Variants in DNAJC1 observed in about 807,000 individuals in gnomAD.
DNAJC1 encodes dnaJ homolog subfamily C member 1.
Under a neutral mutation model 76.6 loss-of-function variants are expected in DNAJC1, and 58 were observed. The ratio of observed to expected loss-of-function variants is 0.76; its 90% CI spans 0.61 to 0.94. The LOEUF is 0.94. DNAJC1 is among the 40% of genes least tolerant of loss of function. DNAJC1 has a pLI of 0.00. For synonymous variants in DNAJC1, 258 were observed against 267.9 expected (o/e 0.96, Z 0.36); for missense variants, 689 against 677.3 (o/e 1.02, Z -0.19).
intron 8 of DNAJC1, among the ~76,000 whole-genome samples, chr10:21,842,283 C>G (rs1590009941): frequency 6.7e-6 from 1 of 150,154 alleles, no homozygotes; most frequent in African/African-American, 2.4e-5. Flanking sequence ...GTGAGAGAAG[C>G]AAATAGGATG....
At chr10:22,002,976 T>C (rs933681272) in intron 1 of DNAJC1, among the ~76,000 whole-genome samples, 3 of 152,032 alleles carry the variant, frequency 2.0e-5, no homozygotes, top group African/African-American at 7.2e-5. Flanking sequence ...CCTAGGCTAG[T>C]GGCGCCGTCC....
At chr10:21,800,999 T>A (rs1834807069) in intron 9 of DNAJC1, among the ~76,000 whole-genome samples, 1 of 152,198 alleles carries the variant, frequency 6.6e-6, no homozygotes, top group Non-Finnish European at 1.5e-5. Context: ...AAATATGTGA[T>A]CTTGTCCCAG....
rs182225058 is a variant in DNAJC1 at position 21,831,771 on chromosome 10, C to T, written c.979-25672G>A. ...CACCACTGCACTCCAGCCTGGGCGACAGAGCGAGACTCCATCTCAAAAAAA... is the reference window on the plus strand; with the variant it reads ...CACCACTGCACTCCAGCCTGGGCGATAGAGCGAGACTCCATCTCAAAAAAA... On this transcript the variant is annotated intron_variant, in intron 8 of 11. Transcript: ENST00000376980. 1.3e-3 allele frequency among the ~76,000 whole-genome samples: 170 copies of T among 125,938 alleles called. 2 individuals carry two copies. The highest frequency in any genetic ancestry group is 2.6e-3 in the Admixed American group (25 of 9,734). The allele number at this position is 125,938 out of a possible 152,430, so 82.6% of individuals were successfully genotyped here. A position where few individuals can be genotyped will look rare whatever the true frequency, so the allele number is the denominator to read the frequency against.
At chr10:21,834,548 G>A (rs1017191558) in intron 8 of DNAJC1, among the ~76,000 whole-genome samples, 4 of 152,172 alleles carry the variant, frequency 2.6e-5, no homozygotes, top group African/African-American at 9.7e-5. Flanking sequence ...AAGCCCAAGG[G>A]GTCAGGGAAT....
intron 3 of DNAJC1, among the ~76,000 whole-genome samples, chr10:21,924,766 T>C (rs1338263618): frequency 6.6e-6 from 1 of 152,200 alleles, no homozygotes; most frequent in Non-Finnish European, 1.5e-5. Flanking sequence ...CCTCACTGTG[T>C]GAACATCATG....
chr10:21,956,819 AAC>A (rs3051926), intron 1 of DNAJC1, among the ~76,000 whole-genome samples: 85,565 of 141,834 alleles, frequency 0.6, 25,669 homozygotes, highest in East Asian at 0.78. Context: ...GTTTATACAT[AAC>A]ACACACACAC....
intron 7 of DNAJC1, among the ~76,000 whole-genome samples, chr10:21,882,898 A>T (rs2131722623): frequency 6.6e-6 from 1 of 152,260 alleles, no homozygotes; most frequent in East Asian, 1.9e-4. Flanking sequence ...GTGAAATATG[A>T]TCTGGCAACA....
chr10:21,925,782 C>G (rs758128620), intron 3 of DNAJC1, among the ~76,000 whole-genome samples: 3 of 152,162 alleles, frequency 2.0e-5, no homozygotes, highest in Non-Finnish European at 4.4e-5. Context: ...AGCTGGAGAT[C>G]AGGGTGAGGA....
chr10:21,778,866 C>T (rs188312699), intron 9 of DNAJC1, among the ~76,000 whole-genome samples: 33 of 152,308 alleles, frequency 2.2e-4, no homozygotes, highest in African/African-American at 3.4e-4. Flanking sequence ...CTGTGAAAGA[C>T]GGCACCTGGA....
chr10:21,979,741 T>C (rs561646193), intron 1 of DNAJC1, among the ~76,000 whole-genome samples: 1 of 151,956 alleles, frequency 6.6e-6, no homozygotes, highest in East Asian at 1.9e-4. Context: ...TGGCTTTACC[T>C]TCTGCAAGTC....
intron 8 of DNAJC1, among the ~76,000 whole-genome samples, chr10:21,864,327 T>C (rs2131701650): frequency 6.6e-6 from 1 of 151,522 alleles, no homozygotes; most frequent in African/African-American, 2.4e-5. Flanking sequence ...GATAAAACTA[T>C]AAAACTTCTA....
chr10:22,003,025 G>A (rs868161023), intron 1 of DNAJC1, among the ~76,000 whole-genome samples, 188 bp downstream of exon 1: 1 of 152,134 alleles, frequency 6.6e-6, no homozygotes, highest in Non-Finnish European at 1.5e-5. Flanking sequence ...AGTTGAAGCA[G>A]GAGTAAAGAT....
At chr10:21,821,307 G>A (rs1835155569) in intron 8 of DNAJC1, among the ~76,000 whole-genome samples, 1 of 152,116 alleles carries the variant, frequency 6.6e-6, no homozygotes, top group Non-Finnish European at 1.5e-5. Context: ...TGTGAGTTAT[G>A]AGCCAGGAAT....
At position 21,887,442 on chromosome 10, in the gene DNAJC1, C is replaced by CA. The variant is rs762345064; in HGVS notation, c.821-5004dup. 2.9e-3 allele frequency among the ~76,000 whole-genome samples: 436 copies of CA among 151,352 alleles called. 4 individuals are homozygous for CA. The highest frequency in any genetic ancestry group is 5.0e-3 in the Non-Finnish European group (340 of 67,782). ...CCTGAATAGCCAAGACAATCCTAAG[C>CA]AAAAAAAACAAAACTGGAGGCATCA... On this transcript the variant is annotated intron_variant, in intron 7 of 11. Transcript: ENST00000376980.
At chr10:21,970,994 T>C (rs1054931172) in intron 1 of DNAJC1, among the ~76,000 whole-genome samples, 9 of 151,928 alleles carry the variant, frequency 5.9e-5, no homozygotes, top group Non-Finnish European at 1.0e-4. Flanking sequence ...CACTATGAAA[T>C]AGTCACCGCA....
chr10:21,776,656 T>G (rs1050015261), intron 9 of DNAJC1, among the ~76,000 whole-genome samples: 1 of 152,204 alleles, frequency 6.6e-6, no homozygotes, highest in South Asian at 2.1e-4. Flanking sequence ...TAGAAAGCAG[T>G]GGTGCTCATT....
In DNAJC1 at chr10:21,854,350, T is replaced by TA. The variant is rs56109403; in HGVS notation, c.978+27931dup. Among the ~76,000 whole-genome samples the TA allele has an allele frequency of 5.5e-3, 719 of 131,222 alleles. 7 individuals are homozygous for TA. Among genetic ancestry groups the TA allele is most frequent in the African/African-American group, 0.013 (473 of 35,730 alleles). The allele number at this position is 131,222 out of a possible 152,430, so 86.1% of individuals were successfully genotyped here. The stretch of plus-strand genomic sequence containing the variant: ...ACTATCAGATACAAATGTGGATCTT[T>TA]AAAAAAAAAAAAAAAAAAAACTGTT... On this transcript the variant is annotated intron_variant, in intron 8 of 11. Transcript: ENST00000376980.
Position 21,855,938 on chromosome 10 carries a change from AAGAC to A in DNAJC1, c.978+26340_978+26343del, listed in dbSNP as rs1298865646. ...AGAATAATATAACAGATGACTTCAT[AAGAC>A]AGACAGAATAACCTGACGAAAAGCA... On this transcript the variant is annotated intron_variant, in intron 8 of 11. Coordinates refer to ENST00000376980, the MANE Select transcript of DNAJC1 (RefSeq NM_022365.4). 2.0e-4 allele frequency among the ~76,000 whole-genome samples: 30 copies of A among 152,320 alleles called. 1 individual carries two copies. Among genetic ancestry groups the A allele is most frequent in the African/African-American group, 3.1e-4 (13 of 41,546 alleles).
chr10:21,757,263 C>T (rs1349648830), intron 11 of DNAJC1, among the ~76,000 whole-genome samples: 1 of 152,180 alleles, frequency 6.6e-6, no homozygotes, highest in Non-Finnish European at 1.5e-5. Flanking sequence ...CCACCTCCAT[C>T]CCACCCTACA....
Sources: allele counts gnomAD v4.1 joint callset (sites outside exome capture counted in the v4.1 genomes callset), GRCh38; gene constraint gnomAD v4.1.1; transcripts MANE v1.5; gene names NCBI Gene and HGNC (gene_info 2026-07-23, HGNC 2026-07-21).